PLA2G5: variants seen among roughly 807,000 people sequenced by gnomAD.
PLA2G5 encodes the protein phospholipase A2 group V, also known as Ca2+-dependent phospholipase A2.
In PLA2G5, 12 loss-of-function variants were observed where a neutral mutation model predicts 15.9. The ratio of observed to expected loss-of-function variants is 0.76; its 90% CI spans 0.48 to 1.23. PLA2G5 has a LOEUF of 1.23. Ranked by LOEUF, PLA2G5 falls within the 50% of genes most tolerant of loss-of-function variation. The probability of loss-of-function intolerance (pLI) is 0.00; values close to 1 mark genes in which losing one functional copy is unlikely to be tolerated. For missense variants in PLA2G5, 169 were observed against 177.1 expected, an observed-to-expected ratio of 0.95 and a Z score of 0.26; for synonymous variants, 71 against 71.4, an observed-to-expected ratio of 0.99 and a Z score of 0.03.
chr1:20,087,896 T>C (rs1355405915), intron 3 of PLA2G5, among the ~76,000 whole-genome samples: 1 of 152,098 alleles, frequency 6.6e-6, no homozygotes, highest in Non-Finnish European at 1.5e-5. Context: ...TGGAACAATT[T>C]AGCAACAAAA....
upstream of PLA2G5, among the ~76,000 whole-genome samples, chr1:20,068,599 G>A (rs2015176187): frequency 6.6e-6 from 1 of 151,784 alleles, no homozygotes; most frequent in South Asian, 2.1e-4. Flanking sequence ...TTACAGGCAT[G>A]TGCCACCATG....
rs374886825 is a variant in PLA2G5 at position 20,090,542 on chromosome 1, A to T, written c.293-26A>T. On this transcript the variant is annotated intron_variant, in intron 4 of 4. Coordinates refer to ENST00000375108, the MANE Select transcript of PLA2G5 (RefSeq NM_000929.3). ...ACTGGAGCATGCTCTTCCCACCCTC[A>T]TTCTGCTCTTGGTGTCCTTTTGCAG... is the stretch of plus-strand genomic sequence containing the variant. The T allele has an allele frequency of 2.4e-5, 39 of 1,613,304 alleles. No homozygotes were observed. In the African/African-American group the frequency reaches 4.3e-4, roughly 18 times the overall value.
rs1213328007 is a variant in PLA2G5 at position 20,070,452 on chromosome 1, G to A, written c.-24G>A. ...GCAGACCTCTAGAGCAGGATTTGAG[G>A]CCAGGCCAAAGAGGTTAGTTACTGA... On this transcript the variant is annotated 5_prime_UTR_variant, in exon 1 of 5. Transcript: ENST00000375108. 8.1e-6 allele frequency: 8 copies of A among 985,356 alleles called. No homozygotes were observed. The highest frequency in any genetic ancestry group is 4.7e-5 in the South Asian group (1 of 21,294). 61.0% of individuals were successfully genotyped at this position (985,356 alleles called of 1,614,324 possible).
intron 1 of PLA2G5, among the ~76,000 whole-genome samples, chr1:20,052,492 A>G (rs1376074837): frequency 6.6e-6 from 1 of 152,158 alleles, no homozygotes; most frequent in East Asian, 1.9e-4. Context: ...AATGTGGCCT[A>G]TCTTGATTTT....
At chr1:20,065,860 G>C (rs2014996720), upstream of PLA2G5, among the ~76,000 whole-genome samples, 1 of 152,170 alleles carries the variant, frequency 6.6e-6, no homozygotes, top group African/African-American at 2.4e-5. Flanking sequence ...TGTCAAATTG[G>C]AGCAGGGTGT....
chr1:20,065,373 C>T (rs2014964442), upstream of PLA2G5, among the ~76,000 whole-genome samples: 2 of 152,196 alleles, frequency 1.3e-5, no homozygotes, highest in South Asian at 4.1e-4. Context: ...ATCACCATAT[C>T]CTACAGAACA....
intron 1 of PLA2G5, among the ~76,000 whole-genome samples, chr1:20,078,152 T>A (rs2015789282): frequency 6.6e-6 from 1 of 151,948 alleles, no homozygotes; most frequent in Admixed American, 6.5e-5. Flanking sequence ...GAGGTGGACT[T>A]CAAGATGAGT....
chr1:20,084,140 A>T (rs907815448), intron 1 of PLA2G5, among the ~76,000 whole-genome samples: 32 of 152,244 alleles, frequency 2.1e-4, no homozygotes, highest in Admixed American at 1.8e-3. Flanking sequence ...CTTGGGGCCC[A>T]TAAGAGCCAT....
chr1:20,057,329 T>G (rs2014485880), intron 1 of PLA2G5, among the ~76,000 whole-genome samples: 1 of 152,030 alleles, frequency 6.6e-6, no homozygotes. Flanking sequence ...CTTTTTTTTT[T>G]TCTAATGTGT....
intron 1 of PLA2G5, among the ~76,000 whole-genome samples, chr1:20,041,639 G>A (rs542239584): frequency 8.5e-5 from 13 of 152,150 alleles, no homozygotes; most frequent in African/African-American, 3.1e-4. Context: ...GGAAATGAGA[G>A]GTTCTAAGAG....
At chr1:20,044,847 C>T (rs895755984) in intron 1 of PLA2G5, among the ~76,000 whole-genome samples, 5 of 151,128 alleles carry the variant, frequency 3.3e-5, no homozygotes, top group South Asian at 2.1e-4. Flanking sequence ...TCAGATGGGT[C>T]GGTAGAAAAG....
intron 1 of PLA2G5, among the ~76,000 whole-genome samples, chr1:20,055,085 A>G (rs989838547): frequency 3.3e-5 from 5 of 152,320 alleles, no homozygotes; most frequent in African/African-American, 1.2e-4. Flanking sequence ...TTGAGGACCT[A>G]CTCAATAATC....
intron 1 of PLA2G5, among the ~76,000 whole-genome samples, chr1:20,040,882 T>C (rs1412103192): frequency 5.3e-5 from 8 of 152,194 alleles, no homozygotes; most frequent in African/African-American, 1.9e-4. Flanking sequence ...TTGTCTCTTA[T>C]CTACCTAAGA....
chr1:20,073,660 A>G (rs2100549842), intron 1 of PLA2G5, among the ~76,000 whole-genome samples: 1 of 152,248 alleles, frequency 6.6e-6, no homozygotes, highest in South Asian at 2.1e-4. Context: ...AGGCAGGCAG[A>G]TCATTTGAGG....
At chr1:20,088,149 G>A (rs1296182154) in intron 3 of PLA2G5, among the ~76,000 whole-genome samples, 1 of 150,004 alleles carries the variant, frequency 6.7e-6, no homozygotes, top group Non-Finnish European at 1.5e-5. Context: ...CCTGAGGTCG[G>A]GAGTTTGAGA....
upstream of PLA2G5, among the ~76,000 whole-genome samples, chr1:20,066,638 CT>C (rs373097943): frequency 2.0e-5 from 3 of 152,164 alleles, no homozygotes; most frequent in Non-Finnish European, 4.4e-5. Context: ...TTAGTTATAA[CT>C]TTTTTTATGT....
chr1:20,073,126 CA>C (rs1299220347), intron 1 of PLA2G5, among the ~76,000 whole-genome samples: 1 of 151,732 alleles, frequency 6.6e-6, no homozygotes, highest in Non-Finnish European at 1.5e-5. Context: ...TCTCCCTCCT[CA>C]AAAAAAGAAG....
chr1:20,077,376 T>C (rs2015744948), intron 1 of PLA2G5, among the ~76,000 whole-genome samples: 1 of 152,186 alleles, frequency 6.6e-6, no homozygotes, highest in Non-Finnish European at 1.5e-5. Flanking sequence ...TATCTATCCA[T>C]CCATCCATCT....
chr1:20,064,990 C>T (rs1176228736), intron 2 of PLA2G5, among the ~76,000 whole-genome samples: 1 of 152,178 alleles, frequency 6.6e-6, no homozygotes, highest in Non-Finnish European at 1.5e-5. Flanking sequence ...AGCACCAAAA[C>T]ATGTCAAACA....
Sources: allele counts gnomAD v4.1 joint callset (sites outside exome capture counted in the v4.1 genomes callset), GRCh38; gene constraint gnomAD v4.1.1; transcripts MANE v1.5; gene names NCBI Gene and HGNC (gene_info 2026-07-23, HGNC 2026-07-21).